The following RALYL variants were observed in gnomAD, a reference collection of about 807,000 sequenced individuals.
RALYL encodes the protein RNA-binding Raly-like protein.
RALYL carries 29 observed loss-of-function variants against 35.1 expected under a neutral mutation model. That is an observed-to-expected ratio of 0.83 (90% CI 0.61 to 1.13). The LOEUF is 1.13. Among genes scored for constraint, RALYL ranks in the 50% most tolerant of loss-of-function variants. The pLI is 0.00. For synonymous variants in RALYL, 120 were observed against 127.6 expected, an observed-to-expected ratio of 0.94 and a Z score of 0.40; for missense variants, 359 against 360.4, an observed-to-expected ratio of 1.00 and a Z score of 0.03.
At chr8:84,613,382 A>G (rs907866999) in intron 2 of RALYL, among the ~76,000 whole-genome samples, 1 of 151,652 alleles carries the variant, frequency 6.6e-6, no homozygotes, top group African/African-American at 2.4e-5. Context: ...TTTGGGCAGA[A>G]AGCTCATGTG....
intron 2 of RALYL, among the ~76,000 whole-genome samples, chr8:84,754,419 G>A (rs1293584832): frequency 6.6e-6 from 1 of 152,046 alleles, no homozygotes; most frequent in Non-Finnish European, 1.5e-5. Flanking sequence ...AATTCATACT[G>A]GTGATTCTTG....
At chr8:84,536,368 T>C (rs1044366548) in intron 2 of RALYL, among the ~76,000 whole-genome samples, 1 of 152,216 alleles carries the variant, frequency 6.6e-6, no homozygotes, top group African/African-American at 2.4e-5. Context: ...AAATACAGAA[T>C]TGTAGTATCC....
At chr8:84,715,893 T>A (rs991202198) in intron 2 of RALYL, among the ~76,000 whole-genome samples, 5 of 152,094 alleles carry the variant, frequency 3.3e-5, no homozygotes, top group African/African-American at 1.2e-4. Context: ...GTATTAATGG[T>A]CTCTTATTAT....
chr8:84,330,866 G>A (rs1026083796), intron 1 of RALYL, among the ~76,000 whole-genome samples: 5 of 152,018 alleles, frequency 3.3e-5, no homozygotes, highest in Non-Finnish European at 7.4e-5. Context: ...AGCAAGGGTG[G>A]TGTATTTGAA....
intron 2 of RALYL, among the ~76,000 whole-genome samples, chr8:84,576,305 AT>A (rs1379735030): frequency 2.6e-5 from 4 of 152,216 alleles, no homozygotes; most frequent in Non-Finnish European, 5.9e-5. Flanking sequence ...CTGTAAAGAA[AT>A]TGTAAGTAAA....
chr8:84,235,264 TATTC>T (rs1826253972), intron 1 of RALYL, among the ~76,000 whole-genome samples: 1 of 152,220 alleles, frequency 6.6e-6, no homozygotes, highest in Admixed American at 6.5e-5. Flanking sequence ...AATACACAAA[TATTC>T]AGATGAAGTT....
At chr8:84,800,577 T>A (rs1823000364) in intron 3 of RALYL, among the ~76,000 whole-genome samples, 2 of 152,314 alleles carry the variant, frequency 1.3e-5, no homozygotes, top group South Asian at 4.1e-4. Context: ...CTAATTCTAG[T>A]GGGTCCTGAA....
chr8:84,838,393 C>T (rs1210747674), intron 4 of RALYL, among the ~76,000 whole-genome samples: 1 of 152,020 alleles, frequency 6.6e-6, no homozygotes, highest in Non-Finnish European at 1.5e-5. Flanking sequence ...TCAGACTTGC[C>T]CTGGTGTGAT....
At chr8:84,745,650 C>G (rs1808435899) in intron 2 of RALYL, among the ~76,000 whole-genome samples, 1 of 152,002 alleles carries the variant, frequency 6.6e-6, no homozygotes, top group South Asian at 2.1e-4. Flanking sequence ...TGAAGTATCT[C>G]TTATTTTATA....
chr8:84,215,804 G>C (rs752881890), intron 1 of RALYL, among the ~76,000 whole-genome samples: 1 of 152,068 alleles, frequency 6.6e-6, no homozygotes, highest in Non-Finnish European at 1.5e-5. Flanking sequence ...CACAGAAAGA[G>C]GATCTTTAAA....
At chr8:84,472,086 T>TTTTTTTATCGTTTAA (rs1366236503) in intron 1 of RALYL, among the ~76,000 whole-genome samples, 1 of 152,190 alleles carries the variant, frequency 6.6e-6, no homozygotes, top group Non-Finnish European at 1.5e-5. Flanking sequence ...AATCTAAACA[T>TTTTTTTATCGTTTAA]TCTAATTCTT....
At chr8:84,356,924 A>T (rs1017337785) in intron 1 of RALYL, among the ~76,000 whole-genome samples, 4,293 of 145,096 alleles carry the variant, frequency 0.03, 226 homozygotes, top group African/African-American at 0.049. Flanking sequence ...TTGCAGCAAT[A>T]TATGGAATCA....
intron 1 of RALYL, among the ~76,000 whole-genome samples, chr8:84,212,953 C>G (rs1047466578): frequency 1.3e-4 from 20 of 151,926 alleles, no homozygotes; most frequent in Non-Finnish European, 8.8e-5. Context: ...CATAAATGTA[C>G]CAAACAAATG....
intron 1 of RALYL, among the ~76,000 whole-genome samples, chr8:84,453,028 A>G (rs1037291939): frequency 1.3e-5 from 2 of 151,958 alleles, no homozygotes; most frequent in African/African-American, 4.8e-5. Flanking sequence ...GAGCTTTTAA[A>G]GAATTAATTA....
chr8:84,378,396 G>T (rs1563817891), intron 1 of RALYL, among the ~76,000 whole-genome samples: 1 of 151,692 alleles, frequency 6.6e-6, no homozygotes, highest in Non-Finnish European at 1.5e-5. Context: ...GTTTAATTAT[G>T]TATTTCTTAA....
At chr8:84,734,400 T>TA (rs1167610583) in intron 2 of RALYL, among the ~76,000 whole-genome samples, 2 of 152,184 alleles carry the variant, frequency 1.3e-5, no homozygotes, top group Non-Finnish European at 1.5e-5. Flanking sequence ...TAGTTTTTCT[T>TA]AAATTTTTAA....
At chr8:84,228,433 C>G in intron 1 of RALYL, among the ~76,000 whole-genome samples, 1 of 152,178 alleles carries the variant, frequency 6.6e-6, no homozygotes, top group African/African-American at 2.4e-5. Flanking sequence ...GAAAAGAGAG[C>G]TAATCCAAGA....
intron 2 of RALYL, among the ~76,000 whole-genome samples, chr8:84,608,523 C>T (rs1451735955): frequency 6.6e-6 from 1 of 152,152 alleles, no homozygotes; most frequent in Non-Finnish European, 1.5e-5. Flanking sequence ...CTAGACTAAT[C>T]CTGAGCTTTG....
intron 2 of RALYL, among the ~76,000 whole-genome samples, chr8:84,531,038 T>G (rs1399089425): frequency 6.6e-6 from 1 of 152,052 alleles, no homozygotes; most frequent in African/African-American, 2.4e-5. Context: ...TAAAATAGAA[T>G]AGTCATCTTC....
Sources: allele counts gnomAD v4.1 joint callset (sites outside exome capture counted in the v4.1 genomes callset), GRCh38; gene constraint gnomAD v4.1.1; transcripts MANE v1.5; gene names NCBI Gene and HGNC (gene_info 2026-07-23, HGNC 2026-07-21).